Variants in LRRTM4 observed in about 807,000 individuals in gnomAD.
LRRTM4 encodes leucine rich repeat transmembrane neuronal 4, also known as leucine-rich repeat transmembrane neuronal protein 4.
LRRTM4 carries 25 observed loss-of-function variants against 47.6 expected under a neutral mutation model. The observed-to-expected ratio is 0.53, with a 90% CI of 0.38 to 0.73. LRRTM4 has a LOEUF of 0.73. LRRTM4 is among the 30% of genes least tolerant of loss of function. The pLI, the probability that LRRTM4 is intolerant of heterozygous loss-of-function variation, is 0.00. For synonymous variants in LRRTM4, 311 were observed against 269.5 expected (o/e 1.15, Z -1.51); for missense variants, 638 against 713.4 (o/e 0.89, Z 1.20).
Position 77,310,044 on chromosome 2 carries a change from A to G in LRRTM4, c.1551+208274T>C, listed in dbSNP as rs547003993. Among the ~76,000 whole-genome samples the G allele has an allele frequency of 2.2e-4, 34 of 152,234 alleles. No individual in the cohort carries two copies. The East Asian group carries it at 5.4e-3, about 24-fold the overall frequency. ...TAAAATATTTGCTATCTTGCTCTTT[A>G]CAAAAAAAACTTTTTTTGGCTCTGG... On this transcript the variant is annotated intron_variant, in intron 3 of 3. Transcript: ENST00000409884.
chr2:77,185,381 TG>T (rs1197546204), intron 3 of LRRTM4, among the ~76,000 whole-genome samples: 2 of 152,184 alleles, frequency 1.3e-5, no homozygotes, highest in African/African-American at 4.8e-5. Flanking sequence ...GGTCATATTT[TG>T]GTCTCCATCC....
At chr2:77,066,513 G>A (rs186181345) in intron 3 of LRRTM4, among the ~76,000 whole-genome samples, 8 of 152,290 alleles carry the variant, frequency 5.3e-5, no homozygotes, top group East Asian at 1.9e-4. Context: ...ACAAAAACCC[G>A]TATATTAATG....
intron 3 of LRRTM4, among the ~76,000 whole-genome samples, chr2:77,432,348 T>C (rs1675414703): frequency 6.6e-6 from 1 of 152,166 alleles, no homozygotes; most frequent in Non-Finnish European, 1.5e-5. Context: ...ACATCGTCGA[T>C]TAGCTTTCAA....
chr2:77,007,752 G>A (rs1355932302), intron 3 of LRRTM4, among the ~76,000 whole-genome samples: 2 of 152,156 alleles, frequency 1.3e-5, no homozygotes, highest in African/African-American at 2.4e-5. Flanking sequence ...AAGGCTACAT[G>A]TCTTCCATTC....
chr2:77,261,047 C>A (rs1417351176), intron 3 of LRRTM4, among the ~76,000 whole-genome samples: 1 of 151,826 alleles, frequency 6.6e-6, no homozygotes, highest in Non-Finnish European at 1.5e-5. Context: ...TTGTGTGTAG[C>A]CTATAGGTGA....
intron 3 of LRRTM4, among the ~76,000 whole-genome samples, chr2:77,483,151 A>G (rs1049081685): frequency 1.4e-5 from 2 of 138,758 alleles, no homozygotes; most frequent in Non-Finnish European, 3.2e-5. Flanking sequence ...AAAAAAAAAA[A>G]AAATTCCACC....
At chr2:77,213,759 C>G (rs1391393412) in intron 3 of LRRTM4, among the ~76,000 whole-genome samples, 3 of 152,090 alleles carry the variant, frequency 2.0e-5, no homozygotes, top group Admixed American at 2.0e-4. Context: ...TATGCCAGCT[C>G]CCTTCCTTTC....
intron 3 of LRRTM4, among the ~76,000 whole-genome samples, chr2:77,176,873 T>A (rs12614641): frequency 0.44 from 67,253 of 151,958 alleles, 17,461 homozygotes; most frequent in Admixed American, 0.57. Flanking sequence ...AAAACAAAGA[T>A]GGCCACAAAA....
At chr2:77,069,087 TAA>T (rs1680060612) in intron 3 of LRRTM4, among the ~76,000 whole-genome samples, 1 of 152,170 alleles carries the variant, frequency 6.6e-6, no homozygotes, top group Non-Finnish European at 1.5e-5. Context: ...GGCTTGCTGT[TAA>T]TAAATACATG....
intron 3 of LRRTM4, among the ~76,000 whole-genome samples, chr2:77,480,773 G>A (rs896473928): frequency 9.1e-6 from 1 of 109,530 alleles, no homozygotes; most frequent in Non-Finnish European, 1.9e-5. Flanking sequence ...TGCTATGTGT[G>A]GCTGTTTTAG....
At position 76,894,431 on chromosome 2, in the gene LRRTM4, A is replaced by G. The variant is rs927162880; in HGVS notation, c.1552-145515T>C. Among the ~76,000 whole-genome samples the G allele has an allele frequency of 5.9e-5, 9 of 152,178 alleles. No homozygotes were observed. In the East Asian group the frequency reaches 1.4e-3, roughly 23 times the overall value. ...TTTTCTACTTATGGTTTCTAAATTG[A>G]CCAGTTTTGAGGATATGTCTAAACT... On this transcript the variant is annotated intron_variant, in intron 3 of 3. Coordinates refer to ENST00000409884, the MANE Select transcript of LRRTM4 (RefSeq NM_001134745.3).
At chr2:77,055,655 G>A (rs1037794658) in intron 3 of LRRTM4, among the ~76,000 whole-genome samples, 19 of 151,994 alleles carry the variant, frequency 1.3e-4, no homozygotes, top group South Asian at 4.2e-4. Context: ...ATCTAGAACT[G>A]GAAATACCAT....
intron 3 of LRRTM4, among the ~76,000 whole-genome samples, chr2:76,751,449 C>G (rs1030942259): frequency 1.3e-5 from 2 of 152,074 alleles, no homozygotes; most frequent in Non-Finnish European, 2.9e-5. Context: ...AAAATACATA[C>G]TAGGTCAGAG....
intron 3 of LRRTM4, among the ~76,000 whole-genome samples, chr2:76,908,462 T>C (rs929481916): frequency 2.6e-5 from 4 of 151,156 alleles, no homozygotes; most frequent in African/African-American, 9.7e-5. Context: ...TCACCACTCC[T>C]ATTCAACATA....
chr2:76,865,517 G>A (rs571887191), intron 3 of LRRTM4, among the ~76,000 whole-genome samples: 2 of 152,248 alleles, frequency 1.3e-5, no homozygotes, highest in African/African-American at 2.4e-5. Flanking sequence ...ATCAGAGAAA[G>A]TATTAGACTT....
chr2:77,225,800 C>T (rs934803262), intron 3 of LRRTM4, among the ~76,000 whole-genome samples: 5 of 150,768 alleles, frequency 3.3e-5, no homozygotes, highest in Admixed American at 1.3e-4. Flanking sequence ...ATTTGAGTGG[C>T]CTTGCCATTT....
At chr2:77,413,711 C>A (rs1291878134) in intron 3 of LRRTM4, among the ~76,000 whole-genome samples, 2 of 152,066 alleles carry the variant, frequency 1.3e-5, no homozygotes, top group Non-Finnish European at 2.9e-5. Flanking sequence ...CCTCTTCTCT[C>A]CTCTCCTCTC....
intron 3 of LRRTM4, among the ~76,000 whole-genome samples, chr2:77,010,127 C>G (rs1335965908): frequency 6.6e-6 from 1 of 151,910 alleles, no homozygotes; most frequent in East Asian, 1.9e-4. Flanking sequence ...ATAGAAGTAT[C>G]TATTTTTGTG....
At chr2:76,985,388 C>T (rs2103976291) in intron 3 of LRRTM4, among the ~76,000 whole-genome samples, 1 of 152,096 alleles carries the variant, frequency 6.6e-6, no homozygotes, top group African/African-American at 2.4e-5. Flanking sequence ...CTTAGAGCCC[C>T]AGTGGGATAG....
Sources: gnomAD v4.1 joint callset for allele counts (sites outside exome capture counted in the v4.1 genomes callset) on GRCh38, gnomAD v4.1.1 for gene constraint, MANE v1.5 for transcripts, NCBI Gene and HGNC (gene_info 2026-07-23, HGNC 2026-07-21) for gene names.